TGM3: variants seen among roughly 807,000 people sequenced by gnomAD.
TGM3 encodes protein-glutamine gamma-glutamyltransferase E.
In TGM3, 52 loss-of-function variants were observed where a neutral mutation model predicts 73.8. That is an observed-to-expected ratio of 0.70 (90% CI 0.56 to 0.89). The LOEUF (loss-of-function observed/expected upper bound fraction) is 0.89. Among genes scored for constraint, TGM3 ranks in the 40% least tolerant of loss-of-function variants. The pLI, the probability that TGM3 is intolerant of heterozygous loss-of-function variation, is 0.00. For synonymous variants in TGM3, 372 were observed against 354.9 expected (o/e 1.05, Z -0.54); for missense variants, 928 against 909.9 (o/e 1.02, Z -0.26).
chr20:2,303,595 A>G (rs1377260428), intron 1 of TGM3, among the ~76,000 whole-genome samples: 7 of 152,188 alleles, frequency 4.6e-5, no homozygotes, highest in Non-Finnish European at 7.3e-5. Context: ...AGTTCCTGGA[A>G]GTTAATACCT....
intron 1 of TGM3, among the ~76,000 whole-genome samples, chr20:2,296,803 C>G (rs1374984059): frequency 6.6e-6 from 1 of 152,188 alleles, no homozygotes; most frequent in Non-Finnish European, 1.5e-5. Flanking sequence ...AGCACCCCTG[C>G]TAAGCAGCAT....
At chr20:2,312,638 T>G (rs1342020852) in intron 4 of TGM3, among the ~76,000 whole-genome samples, 2 of 152,124 alleles carry the variant, frequency 1.3e-5, no homozygotes, top group African/African-American at 4.8e-5. Flanking sequence ...TTATTATCCT[T>G]TTCTGTCTCT....
chr20:2,335,209 C>T lies in TGM3; in HGVS notation c.1736C>T (p.Pro579Leu), dbSNP rs761142782. ...MIRITAVCKVPDESEVVVERD... is the reference protein window; with the variant it reads ...MIRITAVCKVLDESEVVVERD... ...CGGATCACAGCGGTGTGCAAGGTCC[C>T]AGATGAGTCTGAGGTGGTGGTGGAG... Residue 579 changes from proline to leucine, a missense_variant, in exon 11 of 13, where the codon CCA becomes CTA. Physicochemically the swap from Pro to Leu is moderately conservative, Grantham distance 98 (BLOSUM62 -3). Transcript: ENST00000381458. 6 of 1,614,082 alleles carry T rather than the reference C, an allele frequency of 3.7e-6. No homozygotes were observed. Among genetic ancestry groups the T allele is most frequent in the African/African-American group, 1.3e-5 (1 of 74,930 alleles).
intron 9 of TGM3, among the ~76,000 whole-genome samples, chr20:2,331,091 G>A (rs1282186674): frequency 6.6e-6 from 1 of 151,700 alleles, no homozygotes; most frequent in African/African-American, 2.4e-5. Context: ...TTCACAGGTT[G>A]TTGGGGAAGG....
At position 2,332,095 on chromosome 20, in the gene TGM3, C is replaced by CAGAGGA. The variant is rs2084323592; in HGVS notation, c.1429_1434dup (p.Glu477_Glu478dup). 6.2e-7 allele frequency: 1 copy of CAGAGGA among 1,614,100 alleles called. No individual in the cohort carries two copies. The highest frequency in any genetic ancestry group is 8.5e-7 in the Non-Finnish European group (1 of 1,180,050). On this transcript the variant is annotated inframe_insertion, in exon 10 of 13. Coordinates refer to ENST00000381458, the MANE Select transcript of TGM3 (RefSeq NM_003245.4). The surrounding 1 kb of genome is among the most constrained non-coding windows in gnomAD (Gnocchi z 4.4). ...GCGACGTCTTCAATGGGTTTGGAAA[C>CAGAGGA]AGAGGAACAGGAGCCCAGCATCATC...
intron 7 of TGM3, among the ~76,000 whole-genome samples, chr20:2,320,571 C>G (rs2084257010): frequency 1.3e-5 from 2 of 152,154 alleles, no homozygotes; most frequent in African/African-American, 4.8e-5. Flanking sequence ...GTGACATTTT[C>G]TAGGCCTTTC....
intron 9 of TGM3, among the ~76,000 whole-genome samples, chr20:2,331,559 T>C (rs369192258): frequency 6.6e-6 from 1 of 152,208 alleles, no homozygotes; most frequent in African/African-American, 2.4e-5. Flanking sequence ...CAAAAAAAAT[T>C]TTTTAATTAA....
At chr20:2,299,131 G>A (rs1429172847) in intron 1 of TGM3, among the ~76,000 whole-genome samples, 1 of 152,022 alleles carries the variant, frequency 6.6e-6, no homozygotes, top group Non-Finnish European at 1.5e-5. Context: ...AGTGGTCTTG[G>A]GCAGGTCACT....
intron 11 of TGM3, among the ~76,000 whole-genome samples, chr20:2,339,282 G>T (rs1264919002): frequency 6.6e-6 from 1 of 152,186 alleles, no homozygotes; most frequent in Non-Finnish European, 1.5e-5. Flanking sequence ...AGAGACGGAG[G>T]TTCAAGCTTT....
intron 5 of TGM3, among the ~76,000 whole-genome samples, chr20:2,316,100 T>C (rs1467785079): frequency 2.0e-5 from 3 of 152,236 alleles, no homozygotes; most frequent in Admixed American, 6.5e-5. Context: ...ACAATGGAAC[T>C]CAGGTCTCGA....
At chr20:2,338,409 A>G (rs917671285) in intron 11 of TGM3, among the ~76,000 whole-genome samples, 4 of 152,236 alleles carry the variant, frequency 2.6e-5, no homozygotes, top group Admixed American at 1.3e-4. Context: ...AAATGTGGCA[A>G]CATCTGTATA....
Position 2,298,852 on chromosome 20 carries a change from G to T in TGM3, c.7+2782G>T, listed in dbSNP as rs2084126272. Among the ~76,000 whole-genome samples the T allele has an allele frequency of 2.0e-5, 3 of 152,154 alleles. No homozygotes were observed. The South Asian group carries it at 6.2e-4, about 32-fold the overall frequency. On this transcript the variant is annotated intron_variant, in intron 1 of 12. Transcript: ENST00000381458. ...AAAGGAGATGGCCCCTCTGGGCTCA[G>T]AGTCTTGTGACTCCAGCTGCTCATT...
At chr20:2,309,883 T>C (rs2084194039) in intron 2 of TGM3, 53 bp downstream of exon 2, 1 of 1,606,154 alleles carries the variant, frequency 6.2e-7, no homozygotes, top group African/African-American at 1.3e-5. Flanking sequence ...GAGTAGCCCT[T>C]GTTCATTCAA....
At chr20:2,307,366 T>C (rs1474302250) in intron 1 of TGM3, among the ~76,000 whole-genome samples, 1 of 152,118 alleles carries the variant, frequency 6.6e-6, no homozygotes, top group African/African-American at 2.4e-5. Context: ...CACTCTCTCC[T>C]GTCTCACCTT....
chr20:2,319,821 T>C (rs1013707779), intron 7 of TGM3, among the ~76,000 whole-genome samples: 3 of 151,902 alleles, frequency 2.0e-5, no homozygotes. Context: ...GGACAGGGAG[T>C]CCCAAGCACT....
intron 8 of TGM3, among the ~76,000 whole-genome samples, chr20:2,327,297 C>T (rs1317830045): frequency 2.6e-5 from 4 of 151,024 alleles, no homozygotes; most frequent in Admixed American, 2.0e-4. Flanking sequence ...GGTGAAACCC[C>T]GTCTCTACTA....
chr20:2,322,037 C>T (rs1157196647), intron 7 of TGM3, among the ~76,000 whole-genome samples: 1 of 151,780 alleles, frequency 6.6e-6, no homozygotes, highest in Non-Finnish European at 1.5e-5. Context: ...TTCACTTTCT[C>T]ATCCCTCCCT....
rs1313853502 is a variant in TGM3 at position 2,328,589 on chromosome 20, G to A, written c.1333+224G>A. Among the ~76,000 whole-genome samples, 3 of 152,228 alleles carry A rather than the reference G, an allele frequency of 2.0e-5. No individual in the cohort carries two copies. Among genetic ancestry groups the A allele is most frequent in the South Asian group, 2.1e-4 (1 of 4,838 alleles). On this transcript the variant is annotated intron_variant, in intron 9 of 12. Transcript: ENST00000381458. The surrounding 1 kb of genome is among the most constrained non-coding windows in gnomAD (Gnocchi z 5.2). The stretch of plus-strand genomic sequence containing the variant: ...TGTGCCAGTGGAAGTTTGCTGCAGG[G>A]CACAGGTGGCTGTCAACCCAGCCCA...
At chr20:2,313,662 C>G (rs2084218852) in intron 5 of TGM3, among the ~76,000 whole-genome samples, 1 of 151,834 alleles carries the variant, frequency 6.6e-6, no homozygotes, top group African/African-American at 2.4e-5. Context: ...CTCTCTCTCT[C>G]TCTCAGACAC....
Sources: allele counts gnomAD v4.1 joint callset (sites outside exome capture counted in the v4.1 genomes callset), GRCh38; gene constraint gnomAD v4.1.1; non-coding constraint Gnocchi (gnomAD v3.1); transcripts MANE v1.5; gene names NCBI Gene and HGNC (gene_info 2026-07-23, HGNC 2026-07-21).